Variants in ANKRD6 observed in about 807,000 individuals in gnomAD.
ANKRD6 encodes ankyrin repeat domain 6.
Under a neutral mutation model 82.3 loss-of-function variants are expected in ANKRD6, and 56 were observed. The ratio of observed to expected loss-of-function variants is 0.68; its 90% CI spans 0.55 to 0.85. The LOEUF is 0.85. Among genes scored for constraint, ANKRD6 ranks in the 40% least tolerant of loss-of-function variants. The probability of loss-of-function intolerance (pLI) is 0.00; values close to 1 mark genes in which losing one functional copy is unlikely to be tolerated. For missense variants in ANKRD6, 852 were observed against 907.6 expected (o/e 0.94, Z 0.79); for synonymous variants, 347 against 352.1 (o/e 0.99, Z 0.16).
intron 1 of ANKRD6, among the ~76,000 whole-genome samples, chr6:89,508,093 TCATTATTTATTGCTGTATAACAA>T (rs1204092421): frequency 1.3e-5 from 2 of 152,238 alleles, no homozygotes; most frequent in Non-Finnish European, 2.9e-5. Flanking sequence ...CCACCTGTAT[TCATTATTTATTGCTGTATAACAA>T]ATTACCCCAA....
chr6:89,592,315 G>C (rs111457630), intron 2 of ANKRD6, among the ~76,000 whole-genome samples: 2,390 of 152,306 alleles, frequency 0.016, 78 homozygotes, highest in African/African-American at 0.055. Flanking sequence ...GACAGCTGGA[G>C]GGAAGGGAGA....
intron 1 of ANKRD6, among the ~76,000 whole-genome samples, chr6:89,446,030 C>T (rs1375233190): frequency 6.6e-6 from 1 of 152,166 alleles, no homozygotes. Context: ...CTTTGGGCCT[C>T]CTATTCCCTA....
At chr6:89,478,801 T>G (rs1195394525) in intron 1 of ANKRD6, among the ~76,000 whole-genome samples, 1 of 151,544 alleles carries the variant, frequency 6.6e-6, no homozygotes, top group Non-Finnish European at 1.5e-5. Flanking sequence ...AAAAAAAAAT[T>G]TTTTTAAAAG....
chr6:89,489,535 G>A lies in ANKRD6; in HGVS notation c.-144+56160G>A, dbSNP rs533109490. On this transcript the variant is annotated intron_variant, in intron 1 of 15. Coordinates refer to ENST00000339746, the MANE Select transcript of ANKRD6 (RefSeq NM_001242809.2). The stretch of plus-strand genomic sequence containing the variant: ...TCCTATGCCTAAAATTTCATGATTA[G>A]AAGTTTGGTCTTTTGCATCTTCTAA... Among the ~76,000 whole-genome samples, 7 of 152,314 alleles carry A rather than the reference G, an allele frequency of 4.6e-5. No individual in the cohort carries two copies. In the East Asian group the frequency reaches 1.4e-3, roughly 29 times the overall value.
At chr6:89,544,947 C>T (rs111594797) in intron 1 of ANKRD6, among the ~76,000 whole-genome samples, 3,086 of 152,024 alleles carry the variant, frequency 0.02, 64 homozygotes, top group Non-Finnish European at 0.03. Flanking sequence ...GGCACGGTGG[C>T]TCACGCCTGT....
At chr6:89,531,673 C>T (rs892832809) in intron 1 of ANKRD6, among the ~76,000 whole-genome samples, 1 of 152,246 alleles carries the variant, frequency 6.6e-6, no homozygotes, top group Non-Finnish European at 1.5e-5. Context: ...CACTATTGCC[C>T]TGTATCCCTT....
At position 89,621,954 on chromosome 6, in the gene ANKRD6, GAA is replaced by G. The variant is rs776975010; in HGVS notation, c.829_830del (p.Lys277GlufsTer17). On this transcript the variant is annotated frameshift_variant, in exon 10 of 16. Coordinates refer to ENST00000339746, the MANE Select transcript of ANKRD6 (RefSeq NM_001242809.2). LOFTEE classifies it high-confidence loss of function. ...LRFSRGRSLR[K>X]KRERLKEERR... ...GCTTCAGTCGTGGGCGAAGCCTGAG[GAA>G]AAAGAGAGAGAGGCTCAAGGAAGAG... 3.7e-6 allele frequency: 6 copies of G among 1,613,848 alleles called. No homozygotes were observed. In the South Asian group the frequency reaches 6.6e-5, roughly 18 times the overall value.
At chr6:89,520,828 ATGGTGGCTC>A in intron 1 of ANKRD6, among the ~76,000 whole-genome samples, 1 of 152,184 alleles carries the variant, frequency 6.6e-6, no homozygotes, top group Non-Finnish European at 1.5e-5. Context: ...TGGGCTGGGC[ATGGTGGCTC>A]ACACTTGTAA....
chr6:89,624,732 G>C (rs775913768), intron 13 of ANKRD6, 41 bp downstream of exon 13: 29 of 1,581,534 alleles, frequency 1.8e-5, no homozygotes, highest in Non-Finnish European at 2.1e-5. Context: ...AAGGTGTTCT[G>C]GCAGAACATG....
intron 1 of ANKRD6, chr6:89,563,025 G>A (rs922317638): frequency 1.3e-5 from 2 of 152,202 alleles, no homozygotes; most frequent in Non-Finnish European, 2.9e-5. Context: ...TGTACATAAT[G>A]CCTGGCCGGG....
At chr6:89,622,990 A>G (rs1472147922) in intron 10 of ANKRD6, among the ~76,000 whole-genome samples, 17 of 99,216 alleles carry the variant, frequency 1.7e-4, no homozygotes, top group Non-Finnish European at 3.0e-4. Context: ...CTTTGCCATG[A>G]GTGTTGTGGG....
chr6:89,527,859 G>C (rs899517939), intron 1 of ANKRD6, among the ~76,000 whole-genome samples: 2 of 152,074 alleles, frequency 1.3e-5, no homozygotes, highest in African/African-American at 4.8e-5. Context: ...ACTCAGGCGG[G>C]AGTATAATAG....
intron 3 of ANKRD6, among the ~76,000 whole-genome samples, chr6:89,598,836 G>A (rs1796449257): frequency 1.3e-5 from 2 of 152,260 alleles, no homozygotes; most frequent in South Asian, 4.1e-4. Context: ...TTTTGGGGCA[G>A]CTCTAGTGGC....
intron 1 of ANKRD6, among the ~76,000 whole-genome samples, chr6:89,549,149 G>C (rs1785481179): frequency 6.6e-6 from 1 of 152,300 alleles, no homozygotes; most frequent in East Asian, 1.9e-4. Flanking sequence ...GGTTGAGGCT[G>C]CAGTGAGCCA....
chr6:89,497,082 T>C (rs1331298178), intron 1 of ANKRD6, among the ~76,000 whole-genome samples: 1 of 152,186 alleles, frequency 6.6e-6, no homozygotes, highest in African/African-American at 2.4e-5. Flanking sequence ...ACTTTCAAAT[T>C]AATTGTTTCC....
intron 3 of ANKRD6, among the ~76,000 whole-genome samples, chr6:89,600,256 C>T (rs188489071): frequency 2.0e-4 from 30 of 152,188 alleles, no homozygotes; most frequent in Non-Finnish European, 3.5e-4. Flanking sequence ...GGTGCCATTC[C>T]GGCTCCAAAG....
At position 89,456,650 on chromosome 6, in the gene ANKRD6, C is replaced by A. The variant is rs914949074; in HGVS notation, c.-144+23275C>A. On this transcript the variant is annotated intron_variant, in intron 1 of 15. Coordinates refer to ENST00000339746, the MANE Select transcript of ANKRD6 (RefSeq NM_001242809.2). ...CTTTAATATATGAACTTGTTCTGCC[C>A]ATAACACTGTCCATACCTTTCTTTT... Among the ~76,000 whole-genome samples, 14 of 152,176 alleles carry A rather than the reference C, an allele frequency of 9.2e-5. 2 individuals are homozygous for A. Among genetic ancestry groups the A allele is most frequent in the Admixed American group, 8.5e-4 (13 of 15,280 alleles).
chr6:89,524,296 ACC>A (rs921614921), intron 1 of ANKRD6, among the ~76,000 whole-genome samples: 2 of 150,246 alleles, frequency 1.3e-5, no homozygotes, highest in Non-Finnish European at 3.0e-5. Flanking sequence ...TTTATCCCTC[ACC>A]CCCCTCCCAC....
At chr6:89,556,497 T>C (rs1207391442) in intron 1 of ANKRD6, among the ~76,000 whole-genome samples, 4 of 152,242 alleles carry the variant, frequency 2.6e-5, no homozygotes, top group African/African-American at 9.6e-5. Context: ...TGTTTTTCCC[T>C]AAGTGAAAAC....
Sources: allele counts gnomAD v4.1 joint callset (sites outside exome capture counted in the v4.1 genomes callset), GRCh38; gene constraint gnomAD v4.1.1; transcripts MANE v1.5; gene names NCBI Gene and HGNC (gene_info 2026-07-23, HGNC 2026-07-21).